Variants in LRP8 observed in about 807,000 individuals in gnomAD.
The protein encoded by LRP8 is low-density lipoprotein receptor-related protein 8.
Under a neutral mutation model 111.6 loss-of-function variants are expected in LRP8, and 46 were observed. That is an observed-to-expected ratio of 0.41 (90% confidence interval 0.33 to 0.53). The LOEUF (loss-of-function observed/expected upper bound fraction) is 0.53, where lower values mean the gene tolerates loss of function less well. Among genes scored for constraint, LRP8 ranks in the 20% least tolerant of loss-of-function variants. The probability of loss-of-function intolerance (pLI) is 0.20; values close to 1 mark genes in which losing one functional copy is unlikely to be tolerated. For synonymous variants in LRP8, 464 were observed against 511.2 expected (o/e 0.91, Z 1.24); for missense variants, 959 against 1,297.4 (o/e 0.74, Z 4.01).
At chr1:53,301,080 G>A (rs1449930240) in intron 2 of LRP8, among the ~76,000 whole-genome samples, 1 of 152,204 alleles carries the variant, frequency 6.6e-6, no homozygotes, top group Non-Finnish European at 1.5e-5. Context: ...TCCGGGAGGG[G>A]AGACAGGTGT....
intron 2 of LRP8, among the ~76,000 whole-genome samples, chr1:53,304,371 G>C (rs1459323380): frequency 2.0e-5 from 3 of 152,196 alleles, no homozygotes; most frequent in African/African-American, 7.2e-5. Flanking sequence ...TGGACTGCTT[G>C]GCAAATGCTC....
chr1:53,258,551 C>A, intron 13 of LRP8, 80 bp from the exon 14 acceptor site: 1 of 1,348,576 alleles, frequency 7.4e-7, no homozygotes, highest in South Asian at 1.4e-5. Context: ...AGGCTTCTCC[C>A]ACCTGGCTTG....
At chr1:53,253,227 A>G (rs1645955739) in intron 16 of LRP8, among the ~76,000 whole-genome samples, 1 of 152,230 alleles carries the variant, frequency 6.6e-6, no homozygotes, top group Non-Finnish European at 1.5e-5. Context: ...GCAAGACACA[A>G]AACCCAGAAA....
chr1:53,246,509 AAT>A lies in LRP8; in HGVS notation c.*507_*508del, dbSNP rs1386221527. The A allele has an allele frequency of 2.0e-5, 3 of 152,498 alleles. No individual in the cohort carries two copies. The Admixed American group carries it at 2.0e-4, about 10-fold the overall frequency. The allele number at this position is 152,498 out of a possible 1,614,324, so 9.4% of individuals were successfully genotyped here. On this transcript the variant is annotated 3_prime_UTR_variant, in exon 19 of 19. Coordinates refer to ENST00000306052, the MANE Select transcript of LRP8 (RefSeq NM_004631.5). ...TTTATAGAACTCATCTGATTTTTAA[AAT>A]ATGTTAATAAATAATCTAAATGGGG... is the stretch of plus-strand genomic sequence containing the variant.
chr1:53,266,682 G>C lies in LRP8; in HGVS notation c.1253-35C>G. 2.5e-6 allele frequency: 4 copies of C among 1,600,840 alleles called. No individual in the cohort carries two copies. The highest frequency in any genetic ancestry group is 3.4e-6 in the Non-Finnish European group (4 of 1,169,130). ...AGGGAGGTTGAAAGAGAAAGAGTCA[G>C]TGCAAGAGGCAGGGAGCCTGGAGAC... is the stretch of plus-strand genomic sequence containing the variant. On this transcript the variant is annotated intron_variant, in intron 8 of 18. Coordinates refer to ENST00000306052, the MANE Select transcript of LRP8 (RefSeq NM_004631.5). This position sits in a 1 kb window ranked among gnomAD's most constrained non-coding sequence, Gnocchi z 5.0.
chr1:53,291,377 G>T (rs994993226), intron 2 of LRP8, among the ~76,000 whole-genome samples: 1 of 152,050 alleles, frequency 6.6e-6, no homozygotes, highest in African/African-American at 2.4e-5. Context: ...TCTCCCCAGG[G>T]GCTTAGAAGT....
In LRP8 at chr1:53,246,872, C is replaced by T. The variant is rs1409611981; in HGVS notation, c.*146G>A. 13 of 663,604 alleles carry T rather than the reference C, an allele frequency of 2.0e-5. No homozygotes were observed. Among genetic ancestry groups the T allele is most frequent in the Non-Finnish European group, 2.5e-5 (10 of 396,790 alleles). The allele number at this position is 663,604 out of a possible 1,614,324, so 41.1% of individuals were successfully genotyped here. On this transcript the variant is annotated 3_prime_UTR_variant, in exon 19 of 19. Coordinates refer to ENST00000306052, the MANE Select transcript of LRP8 (RefSeq NM_004631.5). Reference sequence around the variant, plus strand: ...CATCATAACTTTGTGGTTACCTTTCCGCAACATAAATTTAAAAAAAAAATC... The same window carrying T: ...CATCATAACTTTGTGGTTACCTTTCTGCAACATAAATTTAAAAAAAAAATC...
At chr1:53,300,666 G>A (rs911511299) in intron 2 of LRP8, among the ~76,000 whole-genome samples, 8 of 152,232 alleles carry the variant, frequency 5.3e-5, no homozygotes, top group African/African-American at 1.9e-4. Flanking sequence ...CCAGTGACAC[G>A]TGGCTCGGCC....
Position 53,266,466 on chromosome 1 carries a change from C to T in LRP8, c.1427+7G>A, listed in dbSNP as rs17108177. The T allele has an allele frequency of 0.014, 22,239 of 1,613,542 alleles. 318 individuals carry two copies. Among genetic ancestry groups the T allele is most frequent in the East Asian group, 0.075 (3,364 of 44,872 alleles). On this transcript the variant is annotated splice_region_variant and intron_variant, in intron 9 of 18. Transcript: ENST00000306052. This position sits in a 1 kb window ranked among gnomAD's most constrained non-coding sequence, Gnocchi z 5.0. ...CATGCCTTGCTGCAGAGGATATGGC[C>T]GCTCACCTATAGATCTTACGGTAGG...
In LRP8 at chr1:53,289,616, G is replaced by A. The variant is rs757027968; in HGVS notation, c.318C>T (p.Asp106=). Residue 106 remains aspartate (D), a synonymous_variant, in exon 3 of 19, where the codon GAC becomes GAT. Transcript: ENST00000306052. The part of the protein sequence containing the change: ...GHCIHERWKC[D]GEEECPDGSD... ...AGCCATCAGGACACTCCTCCTCGCC[G>A]TCACACTTCCACCGTTCGTGGATGC... is the stretch of plus-strand genomic sequence containing the variant. 3.4e-5 allele frequency: 55 copies of A among 1,612,158 alleles called. No individual in the cohort carries two copies. Among genetic ancestry groups the A allele is most frequent in the Middle Eastern group, 1.6e-4 (1 of 6,082 alleles).
intron 4 of LRP8, among the ~76,000 whole-genome samples, chr1:53,278,475 T>C (rs944891141): frequency 2.6e-5 from 4 of 152,238 alleles, no homozygotes; most frequent in Admixed American, 6.5e-5. Flanking sequence ...TTCATTGTTA[T>C]TGAAGATAAA....
At chr1:53,248,713 T>G (rs1003184356) in intron 18 of LRP8, among the ~76,000 whole-genome samples, 11 of 152,238 alleles carry the variant, frequency 7.2e-5, no homozygotes, top group Admixed American at 5.2e-4. Context: ...AATGTTGATT[T>G]CCTTATTTCT....
intron 9 of LRP8, among the ~76,000 whole-genome samples, chr1:53,265,000 A>T (rs992889464): frequency 3.9e-5 from 6 of 152,180 alleles, no homozygotes; most frequent in African/African-American, 7.2e-5. Flanking sequence ...TCCAATAAGC[A>T]TGTTAGTTCA....
chr1:53,281,207 C>G (rs1167300634), intron 3 of LRP8, among the ~76,000 whole-genome samples: 2 of 152,244 alleles, frequency 1.3e-5, no homozygotes, highest in African/African-American at 4.8e-5. Context: ...CTCCAATCGG[C>G]CCGCCTCTAA....
At chr1:53,313,825 G>A (rs12084311) in intron 2 of LRP8, among the ~76,000 whole-genome samples, 6,709 of 152,266 alleles carry the variant, frequency 0.044, 492 homozygotes, top group African/African-American at 0.15. Context: ...AGGGGTGGGC[G>A]TCACTGCAGA....
chr1:53,263,112 C>T (rs1457840188), intron 10 of LRP8, among the ~76,000 whole-genome samples: 6 of 152,144 alleles, frequency 3.9e-5, no homozygotes, highest in Non-Finnish European at 5.9e-5. Context: ...CCTGACGATC[C>T]GCAGTGGATT....
Position 53,249,534 on chromosome 1 carries a change from G to A in LRP8, c.2699C>T (p.Pro900Leu). The change falls in exon 18 of 19, where the codon CCA (proline) becomes CTA (leucine). Residue 900 changes from proline to leucine, a missense_variant. Transcript: ENST00000306052. The surrounding 1 kb of genome is among the most constrained non-coding windows in gnomAD (Gnocchi z 4.1). ...YPAAISSFDR[P>L]LWAEPCLGET... is the part of the protein sequence containing the mutation. Reference sequence around the variant, plus strand: ...CCCAAGACAGGGCTCTGCCCACAGTGGGCGATCAAAGCTGCTGATTGCCTG... The same window carrying A: ...CCCAAGACAGGGCTCTGCCCACAGTAGGCGATCAAAGCTGCTGATTGCCTG... The A allele has an allele frequency of 6.2e-7, 1 of 1,608,778 alleles. No individual in the cohort carries two copies. Among genetic ancestry groups the A allele is most frequent in the Non-Finnish European group, 8.5e-7 (1 of 1,177,358 alleles).
At chr1:53,313,704 C>G (rs1290562483) in intron 2 of LRP8, among the ~76,000 whole-genome samples, 1 of 152,064 alleles carries the variant, frequency 6.6e-6, no homozygotes, top group African/African-American at 2.4e-5. Flanking sequence ...TGTGGCTGGA[C>G]AGGAGACGCC....
intron 3 of LRP8, among the ~76,000 whole-genome samples, chr1:53,282,785 T>C (rs1260456086): frequency 6.6e-6 from 1 of 152,138 alleles, no homozygotes; most frequent in Admixed American, 6.5e-5. Context: ...GTTAACATTC[T>C]GCAAGCATAG....
Sources: gnomAD v4.1 joint callset for allele counts (sites outside exome capture counted in the v4.1 genomes callset) on GRCh38, gnomAD v4.1.1 for gene constraint, Gnocchi (gnomAD v3.1) non-coding constraint, MANE v1.5 for transcripts, NCBI Gene and HGNC (gene_info 2026-07-23, HGNC 2026-07-21) for gene names.